Variants in VPS13A observed in about 807,000 individuals in gnomAD.
VPS13A encodes intermembrane lipid transfer protein VPS13A.
A neutral mutation model predicts 390.9 loss-of-function variants in VPS13A; 264 were observed. That is an observed-to-expected ratio of 0.68 (90% CI 0.61 to 0.75). VPS13A has a LOEUF of 0.75. Ranked by LOEUF, VPS13A falls within the 30% of genes least tolerant of loss-of-function variation. The pLI is 0.00. For synonymous variants in VPS13A, 1,231 were observed against 1,227.1 expected, an observed-to-expected ratio of 1.00 and a Z score of -0.07; for missense variants, 3,409 against 3,733.9, an observed-to-expected ratio of 0.91 and a Z score of 2.27.
intron 67 of VPS13A, among the ~76,000 whole-genome samples, chr9:77,378,409 G>A (rs1587691696): frequency 6.6e-6 from 1 of 152,116 alleles, no homozygotes; most frequent in South Asian, 2.1e-4. Context: ...TCATCTAGAT[G>A]TTCTAATTTG....
chr9:77,331,245 G>T (rs1830261080), intron 45 of VPS13A, among the ~76,000 whole-genome samples: 1 of 151,998 alleles, frequency 6.6e-6, no homozygotes. Context: ...ACTAGGAGCA[G>T]AATTCCTAAG....
rs1459022689 is a variant in VPS13A at position 77,365,574 on chromosome 9, G to A, written c.8325+1G>A. ...ATATTTTCATATATCTCCTATCAAG[G>A]TAGGAGAAAGTCATTTTTATTGTCC... On this transcript the variant is annotated splice_donor_variant, in intron 60 of 71. Coordinates refer to ENST00000360280, the MANE Select transcript of VPS13A (RefSeq NM_033305.3). LOFTEE classifies it high-confidence loss of function. 9 of 1,560,950 alleles carry A rather than the reference G, an allele frequency of 5.8e-6. No individual in the cohort carries two copies. In the South Asian group the frequency reaches 7.8e-5, roughly 14 times the overall value.
chr9:77,189,604 T>A (rs142530431), intron 1 of VPS13A, among the ~76,000 whole-genome samples: 4 of 152,322 alleles, frequency 2.6e-5, no homozygotes, highest in African/African-American at 9.6e-5. Flanking sequence ...TGGGCCAGTA[T>A]GAATTTTAAA....
chr9:77,345,816 A>G (rs1831116716), intron 52 of VPS13A, among the ~76,000 whole-genome samples: 1 of 152,132 alleles, frequency 6.6e-6, no homozygotes, highest in African/African-American at 2.4e-5. Flanking sequence ...CTAATCATTG[A>G]TTAAAATCAA....
intron 11 of VPS13A, 26 bp downstream of exon 11, chr9:77,220,107 A>T: frequency 1.3e-6 from 2 of 1,583,046 alleles, no homozygotes; most frequent in South Asian, 2.3e-5. Context: ...ATAATTTTCA[A>T]TTGTGAATTA....
At chr9:77,208,346 A>G (rs796695110) in intron 5 of VPS13A, among the ~76,000 whole-genome samples, 3 of 152,246 alleles carry the variant, frequency 2.0e-5, no homozygotes, top group African/African-American at 7.2e-5. Context: ...TGAATTTGAG[A>G]GTAATAGGCA....
At chr9:77,221,478 A>T in intron 13 of VPS13A, 122 bp downstream of exon 13, 1 of 1,123,948 alleles carries the variant, frequency 8.9e-7, no homozygotes, top group Admixed American at 2.4e-5. Context: ...TCTTTTACTT[A>T]GACTTTTTTG....
chr9:77,403,383 G>A (rs1237329514), intron 69 of VPS13A, 62 bp downstream of exon 69: 3 of 1,325,008 alleles, frequency 2.3e-6, no homozygotes, highest in African/African-American at 2.9e-5. Flanking sequence ...GACTCATGAG[G>A]TGAAGATTTG....
At chr9:77,201,329 A>C in intron 2 of VPS13A, 36 bp from the exon 3 acceptor site, 1 of 1,418,748 alleles carries the variant, frequency 7.0e-7, no homozygotes, top group Non-Finnish European at 1.0e-6. Flanking sequence ...CTCTATATCT[A>C]CTAATGTTTT....
intron 42 of VPS13A, among the ~76,000 whole-genome samples, chr9:77,320,716 G>A (rs573110009): frequency 3.9e-5 from 6 of 152,196 alleles, no homozygotes; most frequent in African/African-American, 1.4e-4. Flanking sequence ...CTAAAAAATG[G>A]TAAAGGGTAT....
intron 23 of VPS13A, among the ~76,000 whole-genome samples, chr9:77,266,363 T>C (rs569173574): frequency 2.8e-4 from 43 of 152,328 alleles, no homozygotes; most frequent in African/African-American, 8.4e-4. Flanking sequence ...GTTTTCTGTC[T>C]TCTTGATCTG....
chr9:77,381,882 C>A, intron 67 of VPS13A, 94 bp from the exon 68 acceptor site: 1 of 796,834 alleles, frequency 1.3e-6, no homozygotes, highest in Non-Finnish European at 2.0e-6. Context: ...TATTTTTAAT[C>A]TGAAATAAGA....
chr9:77,288,195 C>G (rs966200963), intron 31 of VPS13A, among the ~76,000 whole-genome samples: 2 of 151,772 alleles, frequency 1.3e-5, no homozygotes, highest in African/African-American at 4.8e-5. Flanking sequence ...CTTTTTATGT[C>G]TTGATCAGCC....
intron 7 of VPS13A, among the ~76,000 whole-genome samples, chr9:77,212,225 C>A (rs533592273): frequency 6.6e-6 from 1 of 152,086 alleles, no homozygotes; most frequent in Non-Finnish European, 1.5e-5. Context: ...AACTTATAAA[C>A]CCTTTTTAAA....
intron 71 of VPS13A, among the ~76,000 whole-genome samples, chr9:77,411,597 A>G (rs1444313472): frequency 1.4e-5 from 2 of 142,144 alleles, no homozygotes; most frequent in African/African-American, 5.2e-5. Context: ...TGGGAGGCGG[A>G]GCTTGCAATC....
At chr9:77,209,018 T>G (rs1036059743) in intron 5 of VPS13A, among the ~76,000 whole-genome samples, 3 of 152,224 alleles carry the variant, frequency 2.0e-5, no homozygotes, top group Non-Finnish European at 4.4e-5. Context: ...TTCAACTGTT[T>G]TACACATCTA....
chr9:77,399,559 G>A (rs1240493833), intron 68 of VPS13A, among the ~76,000 whole-genome samples: 1 of 152,168 alleles, frequency 6.6e-6, no homozygotes, highest in African/African-American at 2.4e-5. Flanking sequence ...AATGGTGTAT[G>A]TAGGCTCTTG....
At chr9:77,345,609 T>G (rs1306598395) in intron 52 of VPS13A, among the ~76,000 whole-genome samples, 4 of 152,220 alleles carry the variant, frequency 2.6e-5, no homozygotes, top group Non-Finnish European at 5.9e-5. Flanking sequence ...CTCTTCAACA[T>G]TATTCATTTT....
chr9:77,356,723 G>A lies in VPS13A; in HGVS notation c.7662G>A (p.Val2554=), dbSNP rs754752903. 5 of 1,611,452 alleles carry A rather than the reference G, an allele frequency of 3.1e-6. No homozygotes were observed. The South Asian group carries it at 4.4e-5, about 14-fold the overall frequency. Residue 2554 remains valine (V), a synonymous_variant, in exon 55 of 72, where the codon GTG becomes GTA. Transcript: ENST00000360280. ...VAYIGITSSD[V]VWETKPKKKA... is the part of the protein sequence containing the mutation. ...TGCTTTCTTAAATAAGTTCTGATGT[G>A]GTTTGGGAAACAAAGCCCAAGAAGA...
Sources: gnomAD v4.1 joint callset for allele counts (sites outside exome capture counted in the v4.1 genomes callset) on GRCh38, gnomAD v4.1.1 for gene constraint, MANE v1.5 for transcripts, NCBI Gene and HGNC (gene_info 2026-07-23, HGNC 2026-07-21) for gene names.